The following PRDM16 variants were observed in gnomAD, a reference collection of about 807,000 sequenced individuals.
PRDM16 encodes PR/SET domain 16, also known as histone-lysine N-methyltransferase PRDM16.
A neutral mutation model predicts 110.6 loss-of-function variants in PRDM16; 23 were observed. The ratio of observed to expected loss-of-function variants is 0.21; its 90% confidence interval spans 0.15 to 0.29. The LOEUF (loss-of-function observed/expected upper bound fraction) is 0.29. Ranked by LOEUF, PRDM16 falls within the 10% of genes least tolerant of loss-of-function variation. The pLI is 1.00. For synonymous variants in PRDM16, 799 were observed against 781.8 expected (o/e 1.02, Z -0.37); for missense variants, 1,615 against 1,794.3 (o/e 0.90, Z 1.81).
chr1:3,374,285 C>T (rs1642956051), intron 3 of PRDM16, among the ~76,000 whole-genome samples: 1 of 152,244 alleles, frequency 6.6e-6, no homozygotes, highest in African/African-American at 2.4e-5. Flanking sequence ...AGCCAGGCAA[C>T]GGCACCCAGG....
At chr1:3,374,383 A>G (rs1042685427) in intron 3 of PRDM16, among the ~76,000 whole-genome samples, 1 of 152,258 alleles carries the variant, frequency 6.6e-6, no homozygotes, top group Admixed American at 6.5e-5. Context: ...TCCCCGTTAC[A>G]GAAATACAGT....
chr1:3,319,963 C>CA (rs1330320027), intron 3 of PRDM16, among the ~76,000 whole-genome samples: 1 of 152,194 alleles, frequency 6.6e-6, no homozygotes, highest in Non-Finnish European at 1.5e-5. Context: ...CGACTATTGT[C>CA]ATAGTCAGCC....
intron 3 of PRDM16, among the ~76,000 whole-genome samples, chr1:3,297,355 C>T (rs1641111443): frequency 6.7e-6 from 1 of 148,668 alleles, no homozygotes; most frequent in Admixed American, 6.7e-5. Flanking sequence ...GCGATCTTGG[C>T]TCGCTGCAAC....
intron 3 of PRDM16, among the ~76,000 whole-genome samples, chr1:3,271,512 C>T (rs748755276): frequency 3.3e-5 from 5 of 152,212 alleles, no homozygotes; most frequent in Admixed American, 1.3e-4. Context: ...TGTCCTGCAG[C>T]GGACGTGGAA....
chr1:3,170,060 T>A (rs1439457023), intron 1 of PRDM16, among the ~76,000 whole-genome samples: 2 of 151,410 alleles, frequency 1.3e-5, no homozygotes, highest in African/African-American at 4.9e-5. Flanking sequence ...TTAATGAATT[T>A]TTTTTTTCTT....
chr1:3,414,780 A>C, intron 10 of PRDM16, 133 bp downstream of exon 10: 2 of 664,718 alleles, frequency 3.0e-6, no homozygotes, highest in Non-Finnish European at 5.3e-6. Context: ...GACGCCCTCA[A>C]AGGCAGAGGA....
intron 3 of PRDM16, among the ~76,000 whole-genome samples, chr1:3,302,078 A>G (rs1362220074): frequency 6.8e-6 from 1 of 146,636 alleles, no homozygotes; most frequent in Non-Finnish European, 1.5e-5. Context: ...GGAATGCTGA[A>G]TTAGCAGGTC....
chr1:3,371,059 C>T (rs1642896810), intron 3 of PRDM16, among the ~76,000 whole-genome samples: 2 of 150,124 alleles, frequency 1.3e-5, no homozygotes, highest in Non-Finnish European at 3.0e-5. Flanking sequence ...CATCCACCCA[C>T]CCATCCACCA....
Position 3,190,608 on chromosome 1 carries a change from T to C in PRDM16, c.387+4134T>C, listed in dbSNP as rs1385101786. The stretch of plus-strand genomic sequence containing the variant: ...CCAGGGGTGTGTGGAAACGGCCCCC[T>C]GGGCTTCATCTCAGGGAGGGGGCTT... On this transcript the variant is annotated intron_variant, in intron 2 of 16. Transcript: ENST00000270722. The surrounding 1 kb of genome is among the most constrained non-coding windows in gnomAD (Gnocchi z 5.0). 6.6e-6 allele frequency among the ~76,000 whole-genome samples: 1 copy of C among 152,054 alleles called. No individual in the cohort carries two copies. Among genetic ancestry groups the C allele is most frequent in the African/African-American group, 2.4e-5 (1 of 41,402 alleles).
chr1:3,221,190 T>C (rs1267668967), intron 2 of PRDM16, among the ~76,000 whole-genome samples: 1 of 151,818 alleles, frequency 6.6e-6, no homozygotes, highest in Non-Finnish European at 1.5e-5. Context: ...CTGGCAAAGA[T>C]GGGCAGTGCC....
At chr1:3,276,932 C>G (rs765833057) in intron 3 of PRDM16, among the ~76,000 whole-genome samples, 13 of 152,130 alleles carry the variant, frequency 8.5e-5, no homozygotes, top group Non-Finnish European at 1.5e-4. Context: ...CTCCCCATCC[C>G]CCATCACGAC....
chr1:3,079,784 GTGTC>G (rs1330614442), intron 1 of PRDM16, among the ~76,000 whole-genome samples: 1 of 152,174 alleles, frequency 6.6e-6, no homozygotes, highest in East Asian at 1.9e-4. Context: ...TGTGTGCTCT[GTGTC>G]TGTGTACAAC....
intron 1 of PRDM16, among the ~76,000 whole-genome samples, chr1:3,135,553 C>T (rs550012709): frequency 1.3e-5 from 2 of 152,288 alleles, no homozygotes; most frequent in African/African-American, 2.4e-5. Flanking sequence ...CCCAGCCCGA[C>T]CGAGCCCTCC....
intron 3 of PRDM16, among the ~76,000 whole-genome samples, chr1:3,352,825 C>T (rs954591931): frequency 2.6e-5 from 4 of 152,150 alleles, no homozygotes; most frequent in Non-Finnish European, 4.4e-5. Context: ...ATTTCAGGGC[C>T]GCCTCCAAGG....
chr1:3,333,229 G>A (rs1200486548), intron 3 of PRDM16, among the ~76,000 whole-genome samples: 1 of 152,204 alleles, frequency 6.6e-6, no homozygotes, highest in Non-Finnish European at 1.5e-5. Flanking sequence ...ATCAGACACA[G>A]GGAGGCCCTC....
At chr1:3,266,626 G>A (rs1012152444) in intron 3 of PRDM16, among the ~76,000 whole-genome samples, 8 of 152,202 alleles carry the variant, frequency 5.3e-5, no homozygotes, top group African/African-American at 1.2e-4. Flanking sequence ...TGCACCCTCC[G>A]CCGCTCCCAC....
intron 3 of PRDM16, 35 bp from the exon 4 acceptor site, chr1:3,385,117 C>T (rs771418500): frequency 1.9e-6 from 3 of 1,612,124 alleles, no homozygotes; most frequent in Non-Finnish European, 2.5e-6. Flanking sequence ...GCACACAGGG[C>T]ACCTCTGACT....
chr1:3,114,935 A>G (rs913641616), intron 1 of PRDM16, among the ~76,000 whole-genome samples: 8 of 152,252 alleles, frequency 5.3e-5, no homozygotes, highest in African/African-American at 1.9e-4. Context: ...GCCTCCCTGC[A>G]CACTTGGCCA....
chr1:3,180,736 C>T (rs1030331666), intron 1 of PRDM16, among the ~76,000 whole-genome samples: 2 of 131,310 alleles, frequency 1.5e-5, no homozygotes, highest in African/African-American at 6.3e-5. Flanking sequence ...TGAGGGGTCT[C>T]CAGACAGAAG....
Sources: gnomAD v4.1 joint callset for allele counts (sites outside exome capture counted in the v4.1 genomes callset) on GRCh38, gnomAD v4.1.1 for gene constraint, Gnocchi (gnomAD v3.1) non-coding constraint, MANE v1.5 for transcripts, NCBI Gene and HGNC (gene_info 2026-07-23, HGNC 2026-07-21) for gene names.